PCDH15: variants seen among roughly 807,000 people sequenced by gnomAD.
The protein encoded by PCDH15 is protocadherin-15.
A neutral mutation model predicts 178.5 loss-of-function variants in PCDH15; 129 were observed. The observed-to-expected ratio is 0.72, with a 90% CI of 0.63 to 0.84. The LOEUF (loss-of-function observed/expected upper bound fraction) is 0.84, where lower values mean the gene tolerates loss of function less well. PCDH15 is among the 40% of genes least tolerant of loss of function. PCDH15 has a pLI of 0.00. For synonymous variants in PCDH15, 800 were observed against 732.0 expected (o/e 1.09, Z -1.50); for missense variants, 2,230 against 2,099.9 (o/e 1.06, Z -1.21).
In PCDH15 at chr10:55,034,023, A is replaced by G. The variant is rs563010146; in HGVS notation, c.-80+132553T>C. Among the ~76,000 whole-genome samples the G allele has an allele frequency of 3.9e-5, 6 of 152,144 alleles. No individual in the cohort carries two copies. In the East Asian group the frequency reaches 1.2e-3, roughly 29 times the overall value. On this transcript the variant is annotated intron_variant, in intron 2 of 5. Coordinates refer to the PCDH15 transcript ENST00000458638. ...CCTAGTGGATGTGGCCTTACCAGAC[A>G]AACAAACCTGTCAGTTCCTTGATCT...
chr10:54,152,322 A>G (rs1014517262), intron 14 of PCDH15, among the ~76,000 whole-genome samples: 2 of 152,174 alleles, frequency 1.3e-5, no homozygotes, highest in Non-Finnish European at 2.9e-5. Context: ...CATTGTCAAT[A>G]AAAGAGGATA....
chr10:54,497,595 A>G (rs1346830133), intron 3 of PCDH15, among the ~76,000 whole-genome samples: 1 of 152,158 alleles, frequency 6.6e-6, no homozygotes, highest in African/African-American at 2.4e-5. Flanking sequence ...TTAAGACAGA[A>G]CCAAACTGAA....
At chr10:54,012,464 G>A (rs1258497738) in intron 20 of PCDH15, among the ~76,000 whole-genome samples, 4 of 151,836 alleles carry the variant, frequency 2.6e-5, no homozygotes, top group African/African-American at 9.7e-5. Flanking sequence ...TATATAAGAA[G>A]ACAATCCCCA....
At chr10:54,943,461 T>A (rs1564650878) in intron 2 of PCDH15, among the ~76,000 whole-genome samples, 3 of 151,952 alleles carry the variant, frequency 2.0e-5, no homozygotes, top group Non-Finnish European at 2.9e-5. Flanking sequence ...CATGGCAAAA[T>A]TGTGGCTCAG....
intron 2 of PCDH15, among the ~76,000 whole-genome samples, chr10:55,518,431 C>T (rs1419724134): frequency 3.3e-5 from 5 of 152,000 alleles, no homozygotes; most frequent in Non-Finnish European, 7.4e-5. Flanking sequence ...TTCCAGCTCC[C>T]TTTCTAGCCT....
intron 2 of PCDH15, among the ~76,000 whole-genome samples, chr10:54,977,716 T>C (rs1367134216): frequency 1.3e-5 from 2 of 152,204 alleles, no homozygotes; most frequent in African/African-American, 2.4e-5. Flanking sequence ...CGTTACTCTG[T>C]GGACTTCCCT....
At chr10:54,922,084 A>G (rs2131844832) in intron 2 of PCDH15, among the ~76,000 whole-genome samples, 1 of 152,300 alleles carries the variant, frequency 6.6e-6, no homozygotes, top group Admixed American at 6.5e-5. Context: ...ATTACAATTC[A>G]ACATGAGATT....
intron 18 of PCDH15, among the ~76,000 whole-genome samples, chr10:54,062,242 A>C (rs995743340): frequency 2.4e-5 from 3 of 124,696 alleles, no homozygotes; most frequent in African/African-American, 8.0e-5. Flanking sequence ...AAAAAAAAAA[A>C]AAAAAAAAAA....
At chr10:55,395,196 TGA>T (rs55765914) in intron 2 of PCDH15, among the ~76,000 whole-genome samples, 31,593 of 125,142 alleles carry the variant, frequency 0.25, 3,225 homozygotes, top group East Asian at 0.38. Context: ...TGTGTGTGTG[TGA>T]GAGAGAGAGA....
At chr10:54,853,913 A>G (rs966752924) in intron 3 of PCDH15, among the ~76,000 whole-genome samples, 1 of 152,118 alleles carries the variant, frequency 6.6e-6, no homozygotes, top group Non-Finnish European at 1.5e-5. Flanking sequence ...CTGTGGCTGG[A>G]TGTGCTTTTG....
chr10:55,139,608 T>C (rs1220072593), intron 2 of PCDH15, among the ~76,000 whole-genome samples: 2 of 152,058 alleles, frequency 1.3e-5, no homozygotes, highest in African/African-American at 4.8e-5. Context: ...TATATTTATG[T>C]TGTTCTATTT....
intron 2 of PCDH15, among the ~76,000 whole-genome samples, chr10:55,086,957 C>T (rs1042660347): frequency 7.9e-5 from 12 of 151,842 alleles, no homozygotes; most frequent in Non-Finnish European, 1.0e-4. Flanking sequence ...AGCAACTTCT[C>T]GAATGGTTCA....
chr10:53,827,563 G>A lies in PCDH15; in HGVS notation c.4212-15C>T, dbSNP rs1370333270. 1 of 1,614,042 alleles carries A rather than the reference G, an allele frequency of 6.2e-7. No homozygotes were observed. The highest frequency in any genetic ancestry group is 1.1e-5 in the South Asian group (1 of 91,080). Reference sequence around the variant, plus strand: ...CAGCTTGACGTCTTGGATAAAGTAAGGATGGCTTGTAAAACTCATTTTAGA... The same window carrying A: ...CAGCTTGACGTCTTGGATAAAGTAAAGATGGCTTGTAAAACTCATTTTAGA... On this transcript the variant is annotated splice_polypyrimidine_tract_variant and intron_variant, in intron 31 of 37. Transcript: ENST00000644397.
intron 2 of PCDH15, among the ~76,000 whole-genome samples, chr10:55,604,641 G>T (rs1209282118): frequency 6.7e-6 from 1 of 149,150 alleles, no homozygotes; most frequent in Non-Finnish European, 1.5e-5. Flanking sequence ...GCTCCTGAAT[G>T]ACTACTGGGT....
chr10:55,520,326 GTATATA>G (rs200235654), intron 2 of PCDH15, among the ~76,000 whole-genome samples: 24,582 of 44,552 alleles, frequency 0.55, 7,760 homozygotes, highest in East Asian at 0.76. Flanking sequence ...CATGCAATGT[GTATATA>G]TATATATATA....
intron 1 of PCDH15, among the ~76,000 whole-genome samples, chr10:55,318,189 C>T (rs1454604639): frequency 4.0e-5 from 6 of 151,272 alleles, no homozygotes; most frequent in Non-Finnish European, 1.5e-5. Context: ...ATTTAACCCT[C>T]GGAAAAAAGA....
intron 2 of PCDH15, among the ~76,000 whole-genome samples, chr10:54,923,261 G>A (rs565934653): frequency 1.4e-5 from 2 of 138,420 alleles, no homozygotes; most frequent in South Asian, 4.6e-4. Context: ...GGGTCCCTGG[G>A]TCTAGCCCAT....
At chr10:54,992,425 G>T (rs1839524072) in intron 2 of PCDH15, among the ~76,000 whole-genome samples, 1 of 152,066 alleles carries the variant, frequency 6.6e-6, no homozygotes, top group Non-Finnish European at 1.5e-5. Context: ...CCCGCCCTCA[G>T]CAACATCCTC....
At chr10:54,815,879 C>G (rs1952941314) in intron 3 of PCDH15, among the ~76,000 whole-genome samples, 1 of 152,116 alleles carries the variant, frequency 6.6e-6, no homozygotes, top group South Asian at 2.1e-4. Flanking sequence ...ATAACATTTT[C>G]TTTTCTCTAG....
Sources: allele counts gnomAD v4.1 joint callset (sites outside exome capture counted in the v4.1 genomes callset), GRCh38; gene constraint gnomAD v4.1.1; transcripts MANE v1.5; gene names NCBI Gene and HGNC (gene_info 2026-07-23, HGNC 2026-07-21).